Variants in DOCK4 observed in about 807,000 individuals in gnomAD.
DOCK4 encodes dedicator of cytokinesis 4.
DOCK4 carries 97 observed loss-of-function variants against 268.1 expected under a neutral mutation model. The observed-to-expected ratio is 0.36, with a 90% CI of 0.31 to 0.43. The LOEUF is 0.43. Among genes scored for constraint, DOCK4 ranks in the 20% least tolerant of loss-of-function variants. The probability of loss-of-function intolerance (pLI) is 1.00; values close to 1 mark genes in which losing one functional copy is unlikely to be tolerated. For missense variants in DOCK4, 2,145 were observed against 2,455.7 expected, an observed-to-expected ratio of 0.87 and a Z score of 2.67; for synonymous variants, 954 against 887.2, an observed-to-expected ratio of 1.08 and a Z score of -1.34.
At chr7:111,799,458 T>TCC (rs1267380738) in intron 30 of DOCK4, among the ~76,000 whole-genome samples, 2 of 152,070 alleles carry the variant, frequency 1.3e-5, no homozygotes, top group African/African-American at 4.8e-5. Flanking sequence ...CATCTCTCTC[T>TCC]CCTTCCATAA....
At chr7:112,139,405 C>G (rs1814677970) in intron 1 of DOCK4, among the ~76,000 whole-genome samples, 1 of 152,182 alleles carries the variant, frequency 6.6e-6, no homozygotes, top group Non-Finnish European at 1.5e-5. Flanking sequence ...CTAATCCCAA[C>G]AGAAGGCACT....
At chr7:112,056,545 A>G (rs560829064) in intron 1 of DOCK4, among the ~76,000 whole-genome samples, 1 of 152,312 alleles carries the variant, frequency 6.6e-6, no homozygotes, top group East Asian at 1.9e-4. Context: ...GAAGAGGGGA[A>G]TTCCTCCCAA....
At chr7:112,066,302 A>G (rs1476192001) in intron 1 of DOCK4, among the ~76,000 whole-genome samples, 1 of 152,050 alleles carries the variant, frequency 6.6e-6, no homozygotes, top group African/African-American at 2.4e-5. Context: ...GTCCTTGGAC[A>G]TAAGTCCAGG....
intron 34 of DOCK4, 82 bp from the exon 35 acceptor site, chr7:111,783,006 G>GAAAA: frequency 2.0e-6 from 1 of 497,138 alleles, no homozygotes; most frequent in Non-Finnish European, 3.0e-6. Context: ...GGGAAAAAAA[G>GAAAA]AAAGAAAGAA....
At chr7:112,127,955 G>A (rs1319471161) in intron 1 of DOCK4, among the ~76,000 whole-genome samples, 1 of 152,160 alleles carries the variant, frequency 6.6e-6, no homozygotes, top group Non-Finnish European at 1.5e-5. Flanking sequence ...CTTGAACCCG[G>A]GAGGCAGAGG....
At chr7:111,948,342 T>C (rs1306607330) in intron 8 of DOCK4, among the ~76,000 whole-genome samples, 1 of 152,168 alleles carries the variant, frequency 6.6e-6, no homozygotes, top group African/African-American at 2.4e-5. Context: ...TAGCACTCCA[T>C]TAGAATGCTA....
chr7:111,829,750 A>G (rs531410911), intron 26 of DOCK4, among the ~76,000 whole-genome samples: 19 of 152,332 alleles, frequency 1.2e-4, no homozygotes, highest in African/African-American at 4.1e-4. Context: ...TACATACTAA[A>G]TTGCATATAA....
chr7:112,153,555 T>C (rs763936332), intron 1 of DOCK4, among the ~76,000 whole-genome samples: 2 of 152,184 alleles, frequency 1.3e-5, no homozygotes, highest in African/African-American at 2.4e-5. Context: ...AGCTTATCAA[T>C]TTAAGTTTTC....
chr7:111,928,075 ACTGTTT>A (rs1221233061), intron 12 of DOCK4, among the ~76,000 whole-genome samples: 1 of 152,046 alleles, frequency 6.6e-6, no homozygotes, highest in Non-Finnish European at 1.5e-5. Flanking sequence ...CTAAGATTAA[ACTGTTT>A]CTTCAGGTGT....
At chr7:111,881,639 A>T (rs1807401249) in intron 16 of DOCK4, among the ~76,000 whole-genome samples, 1 of 152,226 alleles carries the variant, frequency 6.6e-6, no homozygotes, top group Admixed American at 6.5e-5. Context: ...TTTGTTGTGT[A>T]GCACTGTTCA....
intron 1 of DOCK4, among the ~76,000 whole-genome samples, chr7:112,200,453 A>T (rs1366256956): frequency 6.6e-6 from 1 of 152,136 alleles, no homozygotes; most frequent in African/African-American, 2.4e-5. Context: ...GGGTAGACTC[A>T]GATAAAATAA....
At chr7:111,786,787 A>AT (rs1799202529) in intron 32 of DOCK4, among the ~76,000 whole-genome samples, 1 of 152,184 alleles carries the variant, frequency 6.6e-6, no homozygotes, top group Non-Finnish European at 1.5e-5. Flanking sequence ...ATTCATTGTG[A>AT]TTTCTGTTGC....
At chr7:111,778,989 A>T (rs112162376) in intron 35 of DOCK4, among the ~76,000 whole-genome samples, 3 of 152,158 alleles carry the variant, frequency 2.0e-5, no homozygotes, top group African/African-American at 7.2e-5. Flanking sequence ...CAGGAGGTGG[A>T]GGCTGCAGTG....
intron 12 of DOCK4, among the ~76,000 whole-genome samples, chr7:111,924,237 T>C (rs1433251657): frequency 1.3e-5 from 2 of 152,250 alleles, no homozygotes; most frequent in African/African-American, 4.8e-5. Context: ...ATTGTTATCA[T>C]TTTATCACAA....
chr7:111,969,409 A>G (rs952345252), intron 8 of DOCK4, among the ~76,000 whole-genome samples: 1 of 143,686 alleles, frequency 7.0e-6, no homozygotes, highest in Non-Finnish European at 1.5e-5. Flanking sequence ...AAAATTTACT[A>G]AAAAATAAAC....
chr7:111,841,082 T>C (rs574943907), intron 25 of DOCK4, among the ~76,000 whole-genome samples: 21 of 152,356 alleles, frequency 1.4e-4, no homozygotes, highest in African/African-American at 5.0e-4. Context: ...GACCAGATAC[T>C]GTTTAAACAC....
At chr7:112,017,968 C>G (rs751604447) in intron 1 of DOCK4, among the ~76,000 whole-genome samples, 1 of 151,520 alleles carries the variant, frequency 6.6e-6, no homozygotes, top group South Asian at 2.1e-4. Context: ...AGGTGGATCA[C>G]GAGGTCAGGA....
chr7:112,119,866 G>A (rs1039714108), intron 1 of DOCK4, among the ~76,000 whole-genome samples: 7 of 144,046 alleles, frequency 4.9e-5, no homozygotes, highest in African/African-American at 7.9e-5. Flanking sequence ...TTTTTTTTCC[G>A]AGATGGAGTC....
chr7:111,768,677 T>A (rs1206670023), intron 37 of DOCK4, among the ~76,000 whole-genome samples: 1 of 151,796 alleles, frequency 6.6e-6, no homozygotes, highest in Non-Finnish European at 1.5e-5. Flanking sequence ...GTCAGTGAGG[T>A]TTTTTCAACA....
Sources: allele counts gnomAD v4.1 joint callset (sites outside exome capture counted in the v4.1 genomes callset), GRCh38; gene constraint gnomAD v4.1.1; transcripts MANE v1.5; gene names NCBI Gene and HGNC (gene_info 2026-07-23, HGNC 2026-07-21).